The following SPAG6 variants were observed in gnomAD, a reference collection of about 807,000 sequenced individuals.
The protein encoded by SPAG6 is sperm-associated antigen 6.
Under a neutral mutation model 58.5 loss-of-function variants are expected in SPAG6, and 49 were observed. The observed-to-expected ratio is 0.84, with a 90% CI of 0.67 to 1.06. The LOEUF (loss-of-function observed/expected upper bound fraction) is 1.06. SPAG6 is among the 50% of genes least tolerant of loss of function. The pLI, the probability that SPAG6 is intolerant of heterozygous loss-of-function variation, is 0.00. For missense variants in SPAG6, 560 were observed against 611.3 expected (o/e 0.92, Z 0.89); for synonymous variants, 233 against 225.6 (o/e 1.03, Z -0.29).
chr10:22,345,772 G>C lies in SPAG6; in HGVS notation c.75G>C (p.Ala25=). 1 of 1,613,696 alleles carries C rather than the reference G, an allele frequency of 6.2e-7. No individual in the cohort carries two copies. Residue 25 remains alanine, a synonymous_variant, in exon 2 of 11, where the codon GCG becomes GCC. Transcript: ENST00000376624. This position sits in a 1 kb window ranked among gnomAD's most constrained non-coding sequence, Gnocchi z 6.3. ...GGACCCAGTTCGTGCAGATGGTGGC[G>C]GAGCTGGCGACTAGACCCCAAAACA... ...KARTQFVQMV[A]ELATRPQNIE...
intron 2 of SPAG6, among the ~76,000 whole-genome samples, chr10:22,349,532 C>T (rs1836660802): frequency 6.6e-6 from 1 of 152,144 alleles, no homozygotes; most frequent in South Asian, 2.1e-4. Flanking sequence ...CACCAGGCCA[C>T]TTTTAGTTCT....
chr10:22,411,079 G>A lies in SPAG6; in HGVS notation c.1363G>A (p.Gly455Ser). 6.2e-7 allele frequency: 1 copy of A among 1,613,926 alleles called. No homozygotes were observed. The change falls in exon 10 of 11, where the codon GGC becomes AGC. Residue 455 changes from glycine to serine, a missense_variant. Coordinates refer to ENST00000376624, the MANE Select transcript of SPAG6 (RefSeq NM_012443.4). ...TCGACGACTTTTTGTAACAAGTGGT[G>A]GCCTTAAAAAAGTTCAAGAGATAAA... ...KARRLFVTSGGLKKVQEIKAE... is the reference protein window; with the variant it reads ...KARRLFVTSGSLKKVQEIKAE...
At chr10:22,383,286 A>G (rs1833998171) in intron 4 of SPAG6, among the ~76,000 whole-genome samples, 1 of 152,162 alleles carries the variant, frequency 6.6e-6, no homozygotes, top group African/African-American at 2.4e-5. Context: ...ATGGGAAGTG[A>G]TCTTTAGGTG....
intron 3 of SPAG6, among the ~76,000 whole-genome samples, 194 bp downstream of exon 3, chr10:22,365,213 T>C (rs1389850844): frequency 6.6e-6 from 1 of 152,188 alleles, no homozygotes; most frequent in Non-Finnish European, 1.5e-5. Flanking sequence ...TTATCTATTA[T>C]TGATAATATA....
chr10:22,400,887 G>A (rs1032025111), intron 8 of SPAG6, among the ~76,000 whole-genome samples: 1 of 151,966 alleles, frequency 6.6e-6, no homozygotes, highest in African/African-American at 2.4e-5. Flanking sequence ...GTAACTTTGT[G>A]CTTTATAATT....
chr10:22,360,996 T>G, intron 2 of SPAG6: 2 of 636,384 alleles, frequency 3.1e-6, no homozygotes, highest in Non-Finnish European at 5.6e-6. Flanking sequence ...AAAGTCTCCA[T>G]GTTTAATATG....
At chr10:22,371,023 A>G (rs994505803) in intron 4 of SPAG6, among the ~76,000 whole-genome samples, 9 of 152,192 alleles carry the variant, frequency 5.9e-5, no homozygotes, top group African/African-American at 2.2e-4. Flanking sequence ...GTTCATAAAC[A>G]GGATCTGTCT....
chr10:22,413,995 A>T (rs1469612512), intron 10 of SPAG6, among the ~76,000 whole-genome samples: 1 of 152,098 alleles, frequency 6.6e-6, no homozygotes, highest in African/African-American at 2.4e-5. Flanking sequence ...TAATCTTTAA[A>T]TTTTTTTAAT....
chr10:22,374,447 TGAGTGACTATACATTA>T (rs1311567387), intron 4 of SPAG6, among the ~76,000 whole-genome samples: 2 of 151,982 alleles, frequency 1.3e-5, no homozygotes, highest in African/African-American at 4.8e-5. Context: ...TATAATGCAT[TGAGTGACTATACATTA>T]GAGTAAATGA....
intron 2 of SPAG6, among the ~76,000 whole-genome samples, chr10:22,349,278 A>G (rs1015573553): frequency 2.0e-5 from 3 of 152,152 alleles, no homozygotes; most frequent in African/African-American, 7.2e-5. Context: ...CATATGAACA[A>G]TTAAAAAGTT....
chr10:22,401,294 T>A lies in SPAG6; in HGVS notation c.1314+17T>A. ...TTCAGTAAGGTAAGAAATGCCAGCCTCTAAGGGGAGGAAGAAAATTAAAAT... is the reference window on the plus strand; with the variant it reads ...TTCAGTAAGGTAAGAAATGCCAGCCACTAAGGGGAGGAAGAAAATTAAAAT... On this transcript the variant is annotated intron_variant, in intron 9 of 10. Coordinates refer to ENST00000376624, the MANE Select transcript of SPAG6 (RefSeq NM_012443.4). The A allele has an allele frequency of 8.6e-7, 1 of 1,166,072 alleles. No individual in the cohort carries two copies. Among genetic ancestry groups the A allele is most frequent in the Non-Finnish European group, 1.3e-6 (1 of 782,980 alleles). The allele number at this position is 1,166,072 out of a possible 1,614,324, so 72.2% of individuals were successfully genotyped here. A position where few individuals can be genotyped will look rare whatever the true frequency, so the allele number is the denominator to read the frequency against.
chr10:22,371,609 A>G (rs1043532086), intron 4 of SPAG6, among the ~76,000 whole-genome samples: 1 of 152,168 alleles, frequency 6.6e-6, no homozygotes. Context: ...TGATTTCCTA[A>G]AAGCAAAATA....
chr10:22,364,279 CA>C (rs1321495181), intron 2 of SPAG6, among the ~76,000 whole-genome samples: 1 of 152,092 alleles, frequency 6.6e-6, no homozygotes, highest in Non-Finnish European at 1.5e-5. Context: ...GTCCTTAGAA[CA>C]GTGCTTGCAT....
chr10:22,379,083 A>G (rs1202524117), intron 4 of SPAG6, among the ~76,000 whole-genome samples: 3 of 152,246 alleles, frequency 2.0e-5, no homozygotes, highest in Non-Finnish European at 1.5e-5. Context: ...GAGAGTAGGA[A>G]AAATGACATT....
chr10:22,358,962 A>G (rs914416283), intron 2 of SPAG6, among the ~76,000 whole-genome samples: 13 of 152,208 alleles, frequency 8.5e-5, no homozygotes, highest in African/African-American at 2.9e-4. Context: ...AGGCACAGAG[A>G]TGTTAAGTAG....
chr10:22,394,959 C>T (rs1834262093), intron 8 of SPAG6, among the ~76,000 whole-genome samples: 1 of 152,188 alleles, frequency 6.6e-6, no homozygotes, highest in Non-Finnish European at 1.5e-5. Flanking sequence ...AGTCCCCCAC[C>T]TTGACCTCCC....
intron 2 of SPAG6, among the ~76,000 whole-genome samples, chr10:22,354,940 G>A (rs1008881024): frequency 6.6e-6 from 1 of 151,360 alleles, no homozygotes; most frequent in Non-Finnish European, 1.5e-5. Flanking sequence ...GTTGCTGTGA[G>A]TTGAGATCAC....
intron 8 of SPAG6, among the ~76,000 whole-genome samples, chr10:22,400,303 T>C (rs1017358134): frequency 1.3e-5 from 2 of 152,104 alleles, no homozygotes; most frequent in South Asian, 4.1e-4. Flanking sequence ...GATGTGGAAT[T>C]CTAGTGGAAA....
At chr10:22,402,246 A>C (rs1344614601) in intron 9 of SPAG6, among the ~76,000 whole-genome samples, 1 of 152,212 alleles carries the variant, frequency 6.6e-6, no homozygotes, top group Admixed American at 6.5e-5. Flanking sequence ...TATTTAAGAA[A>C]TAAAACATGC....
Sources: gnomAD v4.1 joint callset for allele counts (sites outside exome capture counted in the v4.1 genomes callset) on GRCh38, gnomAD v4.1.1 for gene constraint, Gnocchi (gnomAD v3.1) non-coding constraint, MANE v1.5 for transcripts, NCBI Gene and HGNC (gene_info 2026-07-23, HGNC 2026-07-21) for gene names.